The following CBX1 variants were observed in gnomAD, a reference collection of about 807,000 sequenced individuals.
CBX1 encodes chromobox protein homolog 1.
Under a neutral mutation model 25.1 loss-of-function variants are expected in CBX1, and 10 were observed. That is an observed-to-expected ratio of 0.40 (90% CI 0.25 to 0.68). CBX1 has a LOEUF of 0.68. Ranked by LOEUF, CBX1 falls within the 30% of genes least tolerant of loss-of-function variation. The pLI, the probability that CBX1 is intolerant of heterozygous loss-of-function variation, is 0.40. For missense variants in CBX1, 106 were observed against 218.5 expected, an observed-to-expected ratio of 0.49 and a Z score of 3.25; for synonymous variants, 63 against 79.4, an observed-to-expected ratio of 0.79 and a Z score of 1.10.
At chr17:48,094,370 G>C (rs573752911) in intron 1 of CBX1, among the ~76,000 whole-genome samples, 1 of 151,804 alleles carries the variant, frequency 6.6e-6, no homozygotes, top group African/African-American at 2.4e-5. Flanking sequence ...GGAGGTGAAG[G>C]CTGCAGTGAA....
chr17:48,075,124 C>G, intron 3 of CBX1, 24 bp from the exon 4 acceptor site: 1 of 1,489,982 alleles, frequency 6.7e-7, no homozygotes, highest in East Asian at 2.3e-5. Flanking sequence ...ATGGGTAGAA[C>G]AATTTTATCT....
intron 4 of CBX1, among the ~76,000 whole-genome samples, chr17:48,074,351 G>T (rs1352723075): frequency 6.6e-6 from 1 of 152,202 alleles, no homozygotes; most frequent in African/African-American, 2.4e-5. Context: ...GAATGAGCAA[G>T]AAATAGGAAG....
chr17:48,086,856 C>T (rs1303018785), intron 1 of CBX1, among the ~76,000 whole-genome samples: 4 of 151,034 alleles, frequency 2.6e-5, no homozygotes, highest in Admixed American at 6.6e-5. Flanking sequence ...AGTGAGACTT[C>T]GTCTCAAAAA....
intron 1 of CBX1, among the ~76,000 whole-genome samples, chr17:48,099,564 C>T (rs765078210): frequency 7.2e-5 from 11 of 152,182 alleles, no homozygotes; most frequent in Non-Finnish European, 1.3e-4. Context: ...AATCACACCA[C>T]TTTCATATAA....
At chr17:48,098,078 A>G (rs2063385306) in intron 1 of CBX1, among the ~76,000 whole-genome samples, 1 of 152,088 alleles carries the variant, frequency 6.6e-6, no homozygotes, top group South Asian at 2.1e-4. Flanking sequence ...CATTCTGGGC[A>G]ACAGAGACTG....
intron 4 of CBX1, among the ~76,000 whole-genome samples, chr17:48,073,824 C>CAAAACAAAAAAAA (rs2037649112): frequency 1.2e-5 from 1 of 82,500 alleles, no homozygotes; most frequent in Non-Finnish European, 2.2e-5. Flanking sequence ...GAGACTGTCT[C>CAAAACAAAAAAAA]AAAAAAAAAA....
chr17:48,077,739 T>C (rs149488583), intron 1 of CBX1, among the ~76,000 whole-genome samples: 1 of 152,242 alleles, frequency 6.6e-6, no homozygotes, highest in East Asian at 1.9e-4. Flanking sequence ...CCCAGCATTT[T>C]GGAAGGCCCA....
chr17:48,073,157 T>C (rs1238907201), intron 4 of CBX1, among the ~76,000 whole-genome samples: 1 of 151,872 alleles, frequency 6.6e-6, no homozygotes, highest in Non-Finnish European at 1.5e-5. Flanking sequence ...CTTCAGGTTA[T>C]TAGGAATGTC....
intron 2 of CBX1, 81 bp downstream of exon 2, chr17:48,076,783 TC>T: frequency 7.8e-7 from 1 of 1,286,634 alleles, no homozygotes; most frequent in Non-Finnish European, 1.1e-6. Context: ...ACTGTATCCA[TC>T]ATAGCACTGG....
At chr17:48,093,129 G>C (rs2063353890) in intron 1 of CBX1, among the ~76,000 whole-genome samples, 1 of 148,994 alleles carries the variant, frequency 6.7e-6, no homozygotes, top group Non-Finnish European at 1.5e-5. Flanking sequence ...AGTTGGGCAT[G>C]ATGGCAGGCG....
At chr17:48,072,472 C>G (rs770999679) in intron 4 of CBX1, among the ~76,000 whole-genome samples, 3 of 152,082 alleles carry the variant, frequency 2.0e-5, no homozygotes, top group Non-Finnish European at 4.4e-5. Flanking sequence ...AATGAGGGAG[C>G]TGTAGTTTTC....
At chr17:48,085,652 T>G (rs1431141413) in intron 1 of CBX1, among the ~76,000 whole-genome samples, 1 of 152,130 alleles carries the variant, frequency 6.6e-6, no homozygotes, top group Non-Finnish European at 1.5e-5. Context: ...AAAGCTGGGT[T>G]TTTAATGCCC....
Position 48,077,051 on chromosome 17 carries a change from T to TAAATAAATAA in CBX1, c.-37-11_-37-10insTTATTTATTT. On this transcript the variant is annotated splice_polypyrimidine_tract_variant and intron_variant, in intron 1 of 4. Coordinates refer to ENST00000225603, the MANE Select transcript of CBX1 (RefSeq NM_001127228.2). ...GTAAAGGGTGACGCTGCTAAAATGA[T>TAAATAAATAA]AAATGAAATAAAAAGGGCATTAGGG... The TAAATAAATAA allele has an allele frequency of 1.3e-6, 2 of 1,576,340 alleles. No homozygotes were observed. Among genetic ancestry groups the TAAATAAATAA allele is most frequent in the Non-Finnish European group, 1.7e-6 (2 of 1,163,150 alleles).
intron 1 of CBX1, chr17:48,096,268 T>C (rs1162444577): frequency 1.7e-5 from 12 of 713,800 alleles, no homozygotes; most frequent in Non-Finnish European, 2.1e-5. Context: ...TTGAATTTTA[T>C]CTGAGATGTG....
At position 48,077,113 on chromosome 17, in the gene CBX1, G is replaced by A; in HGVS notation, c.-37-72C>T. 28 of 1,195,942 alleles carry A rather than the reference G, an allele frequency of 2.3e-5. No individual in the cohort carries two copies. The South Asian group carries it at 4.0e-4, about 17-fold the overall frequency. The allele number at this position is 1,195,942 out of a possible 1,614,324, so 74.1% of individuals were successfully genotyped here. ...TGGTTAGATAATATCTGGATGGTAAGAAAACCAGGGACATGACAGGTGATA... is the reference window on the plus strand; with the variant it reads ...TGGTTAGATAATATCTGGATGGTAAAAAAACCAGGGACATGACAGGTGATA... On this transcript the variant is annotated intron_variant, in intron 1 of 4. Transcript: ENST00000225603.
In CBX1 at chr17:48,089,542, G is replaced by A. The variant is rs528695699; in HGVS notation, c.-38+11726C>T. On this transcript the variant is annotated intron_variant, in intron 1 of 4. Transcript: ENST00000225603. ...ACTGCAGACATAAATCAGTTCTCGG[G>A]GCCCAGCACGGTGGCTCACGCCTGT... is the stretch of plus-strand genomic sequence containing the variant. Among the ~76,000 whole-genome samples the A allele has an allele frequency of 2.6e-5, 4 of 151,076 alleles. No homozygotes were observed. In the East Asian group the frequency reaches 8.0e-4, roughly 30 times the overall value.
intron 1 of CBX1, among the ~76,000 whole-genome samples, chr17:48,094,358 T>C (rs1209548993): frequency 1.3e-5 from 2 of 151,370 alleles, no homozygotes; most frequent in African/African-American, 4.9e-5. Flanking sequence ...TCCTTGAACT[T>C]GGGAGGTGAA....
At chr17:48,093,512 G>A (rs1395017257) in intron 1 of CBX1, among the ~76,000 whole-genome samples, 1 of 152,166 alleles carries the variant, frequency 6.6e-6, no homozygotes, top group East Asian at 1.9e-4. Context: ...GGCTTTACTA[G>A]CATTTGAAAA....
intron 1 of CBX1, among the ~76,000 whole-genome samples, chr17:48,077,430 G>GTTTTT (rs1225892452): frequency 1.8e-5 from 1 of 56,442 alleles, no homozygotes; most frequent in African/African-American, 1.0e-4. Context: ...GCTAATTTTT[G>GTTTTT]TTGTTTTTTT....
Sources: allele counts gnomAD v4.1 joint callset (sites outside exome capture counted in the v4.1 genomes callset), GRCh38; gene constraint gnomAD v4.1.1; transcripts MANE v1.5; gene names NCBI Gene and HGNC (gene_info 2026-07-23, HGNC 2026-07-21).